PSME4: variants seen among roughly 807,000 people sequenced by gnomAD.
PSME4 encodes the protein proteasome activator subunit 4.
PSME4 carries 89 observed loss-of-function variants against 253.9 expected under a neutral mutation model. That is an observed-to-expected ratio of 0.35 (90% CI 0.30 to 0.42). The LOEUF (loss-of-function observed/expected upper bound fraction) is 0.42. PSME4 is among the 10% of genes least tolerant of loss of function. The probability of loss-of-function intolerance (pLI) is 1.00; values close to 1 mark genes in which losing one functional copy is unlikely to be tolerated. For synonymous variants in PSME4, 851 were observed against 759.2 expected (o/e 1.12, Z -1.99); for missense variants, 2,014 against 2,195.2 (o/e 0.92, Z 1.65).
intron 41 of PSME4, among the ~76,000 whole-genome samples, chr2:53,877,878 A>C (rs1317847884): frequency 1.3e-5 from 2 of 152,224 alleles, no homozygotes; most frequent in Admixed American, 1.3e-4. Flanking sequence ...ATTTTACCTC[A>C]GTTAATATAA....
At chr2:53,931,804 G>A (rs1668843487) in intron 10 of PSME4, 31 bp downstream of exon 10, 4 of 1,607,262 alleles carry the variant, frequency 2.5e-6, no homozygotes, top group Non-Finnish European at 1.7e-6. Flanking sequence ...GAAAAACCTA[G>A]CTGTGGCTGA....
chr2:53,880,461 C>T (rs1041247146), intron 41 of PSME4, among the ~76,000 whole-genome samples: 1 of 152,054 alleles, frequency 6.6e-6, no homozygotes, highest in Non-Finnish European at 1.5e-5. Context: ...CTCTTTTGCC[C>T]AGCAATTTCA....
In PSME4 at chr2:53,946,139, CATAG is replaced by C. The variant is rs1308909650; in HGVS notation, c.500+2278_500+2281del. Among the ~76,000 whole-genome samples, 6 of 152,062 alleles carry C rather than the reference CATAG, an allele frequency of 3.9e-5. No individual in the cohort carries two copies. In the South Asian group the frequency reaches 8.3e-4, roughly 21 times the overall value. Reference sequence around the variant, plus strand: ...AGCTCTTATCACTGAAGAGGAAAGCCATAGATACTTATTAATGACCACAAAGGAC... The same window carrying C: ...AGCTCTTATCACTGAAGAGGAAAGCCATACTTATTAATGACCACAAAGGAC... On this transcript the variant is annotated intron_variant, in intron 3 of 46. Coordinates refer to ENST00000404125, the MANE Select transcript of PSME4 (RefSeq NM_014614.3).
At chr2:53,949,053 G>T in intron 2 of PSME4, 90 bp downstream of exon 2, 3 of 1,401,170 alleles carry the variant, frequency 2.1e-6, no homozygotes, top group Non-Finnish European at 2.8e-6. Context: ...TTTGAGACTT[G>T]GTCTTCTTAC....
At chr2:53,924,446 G>T (rs1258702186) in intron 14 of PSME4, among the ~76,000 whole-genome samples, 1 of 152,084 alleles carries the variant, frequency 6.6e-6, no homozygotes, top group Non-Finnish European at 1.5e-5. Context: ...ACAAATAATA[G>T]GTACCAACCA....
At chr2:53,929,046 A>G (rs1286250832) in intron 10 of PSME4, among the ~76,000 whole-genome samples, 1 of 151,994 alleles carries the variant, frequency 6.6e-6, no homozygotes, top group Non-Finnish European at 1.5e-5. Context: ...CATGCCTGTA[A>G]TCCAAGCTAC....
intron 41 of PSME4, among the ~76,000 whole-genome samples, chr2:53,879,217 C>T (rs1573202425): frequency 6.6e-6 from 1 of 151,612 alleles, no homozygotes; most frequent in Admixed American, 6.6e-5. Context: ...GAAATGTCTA[C>T]ACAAAGATCT....
intron 34 of PSME4, 103 bp from the exon 35 acceptor site, chr2:53,893,902 T>C: frequency 7.1e-7 from 1 of 1,402,956 alleles, no homozygotes; most frequent in Non-Finnish European, 9.3e-7. Context: ...AAAAGCAGGC[T>C]GTATTTTTGT....
At chr2:53,922,659 T>C in intron 16 of PSME4, 75 bp from the exon 17 acceptor site, 4 of 1,503,768 alleles carry the variant, frequency 2.7e-6, no homozygotes, top group Non-Finnish European at 3.6e-6. Flanking sequence ...AATACTTCTA[T>C]TTAATATTTC....
chr2:53,938,225 C>T (rs961233071), intron 4 of PSME4, among the ~76,000 whole-genome samples: 6 of 151,966 alleles, frequency 3.9e-5, no homozygotes, highest in East Asian at 1.9e-4. Context: ...TACCAGTAGA[C>T]GAGAAAGAGA....
chr2:53,928,164 T>C lies in PSME4; in HGVS notation c.1456A>G (p.Met486Val), dbSNP rs1478850383. ...EGPTHMLPLL[M>V]RALPGVDPND... ...GGATCCACCCCAGGCAATGCTCTCA[T>C]CAACAGAGGTAGCATATGTGTAGGA... Residue 486 changes from methionine to valine, a missense_variant, in exon 11 of 47, where the codon ATG (methionine) becomes GTG (valine). This residue lies in a region of PSME4 where 615 missense variants were observed against 594.4 expected (regional missense o/e 1.03). Transcript: ENST00000404125. 1 of 1,613,952 alleles carries C rather than the reference T, an allele frequency of 6.2e-7. No individual in the cohort carries two copies. Among genetic ancestry groups the C allele is most frequent in the Non-Finnish European group, 8.5e-7 (1 of 1,180,018 alleles).
intron 10 of PSME4, among the ~76,000 whole-genome samples, chr2:53,928,928 G>A (rs1331641422): frequency 6.6e-6 from 1 of 152,132 alleles, no homozygotes; most frequent in African/African-American, 2.4e-5. Context: ...CACTTTGGGA[G>A]GCCAAGGCAG....
Position 53,934,708 on chromosome 2 carries a change from C to G in PSME4, c.854G>C (p.Arg285Thr). The G allele has an allele frequency of 6.3e-7, 1 of 1,592,212 alleles. No homozygotes were observed. Among genetic ancestry groups the G allele is most frequent in the Non-Finnish European group, 8.6e-7 (1 of 1,162,224 alleles). ...GCTTCCCACTGGGAGGTTCAAGCTT[C>G]TCAGAATTCTTGTAAATATCTTTTA... ...YVPKIFTRIL[R>T]SLNLPVGSSQ... The change falls in exon 8 of 47, where the codon AGA becomes ACA. Residue 285 changes from arginine to threonine, a missense_variant. Physicochemically the swap from Arg to Thr is moderately conservative, Grantham distance 71. This residue lies in a region of PSME4 where 615 missense variants were observed against 594.4 expected (regional missense o/e 1.03). Transcript: ENST00000404125.
chr2:53,937,914 GC>G (rs1208988257), intron 4 of PSME4, among the ~76,000 whole-genome samples: 2 of 151,708 alleles, frequency 1.3e-5, no homozygotes, highest in Non-Finnish European at 2.9e-5. Flanking sequence ...GATCATTAGA[GC>G]CCAGGAGATG....
Position 53,970,723 on chromosome 2 carries a change from G to C in PSME4, c.62C>G (p.Pro21Arg). ...CTGCGGGACGAAGCCCCGCGGGCCC[G>C]GCTCGGGACGCCCGCCCGGCTCCGG... ...EPPEPGGRPE[P>R]GPRGFVPQKE... The change falls in exon 1 of 47, where the codon CCG becomes CGG. Residue 21 changes from proline to arginine, a missense_variant. By Grantham distance (103) the Pro-to-Arg change is moderately radical. Coordinates refer to ENST00000404125, the MANE Select transcript of PSME4 (RefSeq NM_014614.3). The C allele has an allele frequency of 6.5e-7, 1 of 1,547,880 alleles. No homozygotes were observed. Among genetic ancestry groups the C allele is most frequent in the Non-Finnish European group, 8.7e-7 (1 of 1,146,038 alleles).
chr2:53,954,537 T>C (rs1284821647), intron 1 of PSME4, among the ~76,000 whole-genome samples: 1 of 152,030 alleles, frequency 6.6e-6, no homozygotes, highest in African/African-American at 2.4e-5. Flanking sequence ...CTAGCAATAC[T>C]ATCTTGAGTA....
chr2:53,897,848 G>A (rs1323771581), intron 31 of PSME4, 22 bp downstream of exon 31: 1 of 1,609,722 alleles, frequency 6.2e-7, no homozygotes, highest in African/African-American at 1.3e-5. Context: ...ACCCAAGACT[G>A]TAGCTAAAAC....
chr2:53,930,122 C>G (rs1197542497), intron 10 of PSME4, among the ~76,000 whole-genome samples: 1 of 152,090 alleles, frequency 6.6e-6, no homozygotes, highest in Non-Finnish European at 1.5e-5. Flanking sequence ...CAAAAAATGT[C>G]ATTGTATTGT....
chr2:53,926,627 G>A (rs1474369965), intron 12 of PSME4, among the ~76,000 whole-genome samples: 2 of 152,158 alleles, frequency 1.3e-5, no homozygotes, highest in Non-Finnish European at 2.9e-5. Context: ...GCTGCAGTGA[G>A]CCAAGATGGC....
Sources: gnomAD v4.1 joint callset for allele counts (sites outside exome capture counted in the v4.1 genomes callset) on GRCh38, gnomAD v4.1.1 for gene constraint, gnomAD v4.1.1 regional missense constraint, MANE v1.5 for transcripts, NCBI Gene and HGNC (gene_info 2026-07-23, HGNC 2026-07-21) for gene names.